THRAP3: variants seen among roughly 807,000 people sequenced by gnomAD.
The protein encoded by THRAP3 is thyroid hormone receptor-associated protein 3.
Under a neutral mutation model 101.0 loss-of-function variants are expected in THRAP3, and 16 were observed. The ratio of observed to expected loss-of-function variants is 0.16; its 90% CI spans 0.11 to 0.24. The LOEUF (loss-of-function observed/expected upper bound fraction) is 0.24. THRAP3 is among the 10% of genes least tolerant of loss of function. The pLI is 1.00. For synonymous variants in THRAP3, 407 were observed against 422.6 expected, an observed-to-expected ratio of 0.96 and a Z score of 0.45; for missense variants, 989 against 1,202.7, an observed-to-expected ratio of 0.82 and a Z score of 2.63.
intron 2 of THRAP3, among the ~76,000 whole-genome samples, chr1:36,264,500 G>A (rs1038092512): frequency 2.0e-5 from 3 of 152,210 alleles, no homozygotes; most frequent in African/African-American, 7.2e-5. Flanking sequence ...ATTACAAAGT[G>A]ACTTGTCCAT....
intron 2 of THRAP3, among the ~76,000 whole-genome samples, chr1:36,277,159 G>C: frequency 6.6e-6 from 1 of 151,950 alleles, no homozygotes; most frequent in East Asian, 2.0e-4. Flanking sequence ...AGTAGAGATA[G>C]GGTTTCACCA....
chr1:36,236,091 A>T (rs904242213), intron 1 of THRAP3, among the ~76,000 whole-genome samples: 3 of 135,830 alleles, frequency 2.2e-5, no homozygotes, highest in Non-Finnish European at 3.1e-5. Flanking sequence ...TACTAAAAAT[A>T]AAAAAAAAAA....
the THRAP3 span, among the ~76,000 whole-genome samples, chr1:36,216,831 C>T: frequency 6.6e-6 from 1 of 152,130 alleles, no homozygotes; most frequent in Non-Finnish European, 1.5e-5. Context: ...TCTGCCCATA[C>T]GAAAACAGGA....
intron 1 of THRAP3, among the ~76,000 whole-genome samples, chr1:36,247,303 C>T (rs187701097): frequency 7.6e-4 from 115 of 151,898 alleles, no homozygotes; most frequent in Middle Eastern, 3.4e-3. Context: ...GGCGACAGAG[C>T]GAGACTCCGT....
chr1:36,219,170 A>T, the THRAP3 span, among the ~76,000 whole-genome samples: 102 of 152,310 alleles, frequency 6.7e-4, no homozygotes, highest in South Asian at 3.7e-3. Context: ...GCATTCCCAT[A>T]AACAAAAGCC....
chr1:36,224,280 A>C (rs1644932229), upstream of THRAP3: 1 of 152,314 alleles, frequency 6.6e-6, no homozygotes, highest in South Asian at 2.1e-4. Context: ...GCGTGACGCA[A>C]AGCGGCGGGC....
intron 2 of THRAP3, among the ~76,000 whole-genome samples, chr1:36,282,191 A>C (rs1645740464): frequency 6.6e-6 from 1 of 151,190 alleles, no homozygotes; most frequent in African/African-American, 2.4e-5. Flanking sequence ...CTCCCAGTGC[A>C]CTGGGATTAC....
At position 36,289,231 on chromosome 1, in the gene THRAP3, G is replaced by T. The variant is rs757759130; in HGVS notation, c.1212G>T (p.Arg404=). Residue 404 remains arginine, a synonymous_variant, in exon 5 of 12, where the codon CGG becomes CGT. Transcript: ENST00000354618. ...AAACTGATTCTGAGAAGCCTTTTCG[G>T]GGCAGTCAGTCTCCCAAAAGGTATA... is the stretch of plus-strand genomic sequence containing the variant. The part of the protein sequence containing the change: ...APKTDSEKPF[R]GSQSPKRYKL... 8 of 1,614,058 alleles carry T rather than the reference G, an allele frequency of 5.0e-6. No homozygotes were observed. Among genetic ancestry groups the T allele is most frequent in the Non-Finnish European group, 6.8e-6 (8 of 1,180,028 alleles).
intron 2 of THRAP3, among the ~76,000 whole-genome samples, chr1:36,262,937 C>T (rs1260862773): frequency 6.1e-5 from 9 of 147,770 alleles, no homozygotes; most frequent in Admixed American, 4.1e-4. Context: ...GGACTACAGG[C>T]GCCCGCCACC....
rs570382550 is a variant in THRAP3, at chr1:36,228,805, A to G, written c.-135+4300A>G. Among the ~76,000 whole-genome samples, 18 of 152,294 alleles carry G rather than the reference A, an allele frequency of 1.2e-4. No homozygotes were observed. In the South Asian group the frequency reaches 3.3e-3, roughly 28 times the overall value. ...GTTAGAGTTTCAAAAAAGTTAAGAAACAATGTTCTAGACCATATAATGCAG... is the reference window on the plus strand; with the variant it reads ...GTTAGAGTTTCAAAAAAGTTAAGAAGCAATGTTCTAGACCATATAATGCAG... On this transcript the variant is annotated intron_variant, in intron 1 of 11. Coordinates refer to ENST00000354618, the MANE Select transcript of THRAP3 (RefSeq NM_005119.4).
At position 36,286,738 on chromosome 1, in the gene THRAP3, G is replaced by C; in HGVS notation, c.508G>C (p.Glu170Gln). 1 of 1,614,202 alleles carries C rather than the reference G, an allele frequency of 6.2e-7. No individual in the cohort carries two copies. The highest frequency in any genetic ancestry group is 8.5e-7 in the Non-Finnish European group (1 of 1,180,044). ...TTCTTCCTCCAACCATAGCCGAGTT[G>C]AATCTTCTAAGCGCAAGTCTGCAAA... ...SRSSSNHSRVESSKRKSAKEK... is the reference protein window; with the variant it reads ...SRSSSNHSRVQSSKRKSAKEK... The change falls in exon 4 of 12, where the codon GAA (glutamate) becomes CAA (glutamine). Residue 170 changes from glutamate (E) to glutamine (Q), a missense_variant. Glu to Gln is a conservative substitution (Grantham distance 29). Transcript: ENST00000354618. This position sits in a 1 kb window ranked among gnomAD's most constrained non-coding sequence, Gnocchi z 5.5.
chr1:36,241,638 G>A (rs1262699886), intron 1 of THRAP3, among the ~76,000 whole-genome samples: 1 of 149,946 alleles, frequency 6.7e-6, no homozygotes, highest in Non-Finnish European at 1.5e-5. Flanking sequence ...GAGTGCAGTG[G>A]CGTGATCTTG....
intron 2 of THRAP3, among the ~76,000 whole-genome samples, chr1:36,268,752 C>T (rs1310622047): frequency 1.3e-5 from 2 of 150,232 alleles, no homozygotes; most frequent in African/African-American, 2.5e-5. Flanking sequence ...GACGGAGTCT[C>T]GCTCTATCTG....
At chr1:36,241,428 TAC>T (rs1553192383) in intron 1 of THRAP3, among the ~76,000 whole-genome samples, 111 of 137,830 alleles carry the variant, frequency 8.1e-4, no homozygotes, top group African/African-American at 2.9e-3. Flanking sequence ...TATATATATA[TAC>T]ACATATATAA....
the THRAP3 span, among the ~76,000 whole-genome samples, chr1:36,211,184 A>C: frequency 4.0e-5 from 6 of 149,806 alleles, no homozygotes; most frequent in Non-Finnish European, 8.9e-5. Flanking sequence ...GCATAGAGAG[A>C]CTCTGTCACT....
At chr1:36,268,175 C>CT (rs1241766750) in intron 2 of THRAP3, among the ~76,000 whole-genome samples, 1 of 150,790 alleles carries the variant, frequency 6.6e-6, no homozygotes, top group Non-Finnish European at 1.5e-5. Context: ...GTGCGAGACT[C>CT]TGTCTCAAAA....
intron 9 of THRAP3, among the ~76,000 whole-genome samples, chr1:36,297,336 T>C (rs1456351347): frequency 1.3e-5 from 2 of 152,200 alleles, no homozygotes; most frequent in Non-Finnish European, 2.9e-5. Context: ...CGTTTTTGAA[T>C]GTTCCATGAC....
chr1:36,296,830 C>A, intron 9 of THRAP3, 60 bp downstream of exon 9: 3 of 1,383,116 alleles, frequency 2.2e-6, no homozygotes, highest in Non-Finnish European at 2.9e-6. Flanking sequence ...CCCCTTTGGG[C>A]TATACACCAG....
intron 2 of THRAP3, among the ~76,000 whole-genome samples, chr1:36,259,763 CAA>C (rs11399884): frequency 6.0e-5 from 8 of 134,050 alleles, no homozygotes; most frequent in East Asian, 2.1e-4. Flanking sequence ...GACCCTGTCT[CAA>C]AAAAAAAAAA....
Sources: allele counts gnomAD v4.1 joint callset (sites outside exome capture counted in the v4.1 genomes callset), GRCh38; gene constraint gnomAD v4.1.1; non-coding constraint Gnocchi (gnomAD v3.1); transcripts MANE v1.5; gene names NCBI Gene and HGNC (gene_info 2026-07-23, HGNC 2026-07-21).